The following PHC3 variants were observed in gnomAD, a reference collection of about 807,000 sequenced individuals.
PHC3 encodes the protein polyhomeotic homolog 3.
Under a neutral mutation model 107.4 loss-of-function variants are expected in PHC3, and 13 were observed. The observed-to-expected ratio is 0.12, with a 90% CI of 0.08 to 0.19. The LOEUF is 0.19. Among genes scored for constraint, PHC3 ranks in the 10% least tolerant of loss-of-function variants. PHC3 has a pLI of 1.00. For missense variants in PHC3, 992 were observed against 1,210.9 expected (o/e 0.82, Z 2.68); for synonymous variants, 456 against 427.4 (o/e 1.07, Z -0.83).
intron 5 of PHC3, chr3:170,147,376 G>A (rs79617389): frequency 6.6e-6 from 1 of 152,100 alleles, no homozygotes; most frequent in Admixed American, 6.6e-5. Context: ...CCAATTAAGT[G>A]ACCTTTTAAA....
At chr3:170,130,814 G>A (rs1722125148) in intron 7 of PHC3, among the ~76,000 whole-genome samples, 1 of 151,996 alleles carries the variant, frequency 6.6e-6, no homozygotes, top group African/African-American at 2.4e-5. Flanking sequence ...AAGTAAGAAT[G>A]GAAACTGAGT....
In PHC3 at chr3:170,129,149, A is replaced by G. The variant is rs373112767; in HGVS notation, c.1323T>C (p.Ala441=). ...GCTGCAAATTTGGCCCTGGCTGGAGAGCTGATGACACAAGAGGGTGTGGCT... is the reference window on the plus strand; with the variant it reads ...GCTGCAAATTTGGCCCTGGCTGGAGGGCTGATGACACAAGAGGGTGTGGCT... ...LIQPHPLVSS[A]LQPGPNLQQS... Residue 441 remains alanine (A), a synonymous_variant, in exon 8 of 15, where the codon GCT becomes GCC. Transcript: ENST00000495893. 249 of 1,613,780 alleles carry G rather than the reference A, an allele frequency of 1.5e-4. 1 individual carries two copies. The highest frequency in any genetic ancestry group is 3.3e-4 in the Middle Eastern group (2 of 6,062).
intron 6 of PHC3, among the ~76,000 whole-genome samples, chr3:170,144,968 A>T (rs1280330600): frequency 6.6e-6 from 1 of 152,204 alleles, no homozygotes; most frequent in Non-Finnish European, 1.5e-5. Flanking sequence ...GGGCCTCCAA[A>T]AAGTGCTGGG....
At chr3:170,128,530 G>C in intron 8 of PHC3, 154 bp downstream of exon 8, 1 of 970,656 alleles carries the variant, frequency 1.0e-6, no homozygotes, top group Admixed American at 3.3e-5. Context: ...TTTTTTTTTT[G>C]CCCATACAGC....
At position 170,148,278 on chromosome 3, in the gene PHC3, T is replaced by TAAC. The variant is rs750824968; in HGVS notation, c.573+805_573+807dup. ...AGTGAGACTTCACCTCAAAAAACAA[T>TAAC]AACAACAACAACAACAACAACAACA... On this transcript the variant is annotated intron_variant, in intron 5 of 14. Transcript: ENST00000495893. The TAAC allele has an allele frequency of 5.5e-3, 826 of 151,470 alleles. 4 individuals carry two copies. The highest frequency in any genetic ancestry group is 0.014 in the Middle Eastern group (4 of 296). The allele number at this position is 151,470 out of a possible 1,614,324, so 9.4% of individuals were successfully genotyped here.
Position 170,088,676 on chromosome 3 carries a change from A to C in PHC3, c.*8554T>G, listed in dbSNP as rs1171373666. ...ATGGAATACATATTTTAACAGCATA[A>C]CATATTTGAAGAATTAGTTACACTT... is the stretch of plus-strand genomic sequence containing the variant. On this transcript the variant is annotated 3_prime_UTR_variant, in exon 15 of 15. Coordinates refer to ENST00000495893, the MANE Select transcript of PHC3 (RefSeq NM_024947.4). 6.6e-6 allele frequency: 1 copy of C among 152,236 alleles called. No homozygotes were observed. Among genetic ancestry groups the C allele is most frequent in the African/African-American group, 2.4e-5 (1 of 41,462 alleles). The allele number at this position is 152,236 out of a possible 1,614,324, so 9.4% of individuals were successfully genotyped here.
At chr3:170,150,556 T>TAAAAAAAAAAA (rs1725757318) in intron 4 of PHC3, 18 of 110,742 alleles carry the variant, frequency 1.6e-4, no homozygotes, top group East Asian at 6.4e-4. Context: ...AAAAAAAAAT[T>TAAAAAAAAAAA]AAAAAAATTA....
intron 7 of PHC3, among the ~76,000 whole-genome samples, chr3:170,133,653 G>GA (rs1560072885): frequency 6.6e-6 from 1 of 152,094 alleles, no homozygotes; most frequent in Non-Finnish European, 1.5e-5. Context: ...AAGGAAAATT[G>GA]GAGTATATGT....
chr3:170,160,003 C>G (rs1376475744), intron 4 of PHC3, among the ~76,000 whole-genome samples: 2 of 152,138 alleles, frequency 1.3e-5, no homozygotes. Context: ...TTATAAGATA[C>G]TCCAGCAAAA....
Position 170,155,589 on chromosome 3 carries a change from G to T in PHC3, c.415-6345C>A, listed in dbSNP as rs192632409. On this transcript the variant is annotated intron_variant, in intron 4 of 14. Transcript: ENST00000495893. ...TACAAAAAATTAGCCAGGCATTGTG[G>T]TGCACACCTGTGGTCCCAGCTACTC... Among the ~76,000 whole-genome samples the T allele has an allele frequency of 3.3e-5, 5 of 152,168 alleles. No individual in the cohort carries two copies. The East Asian group carries it at 9.7e-4, about 29-fold the overall frequency.
At chr3:170,147,813 A>C (rs911882117) in intron 5 of PHC3, 5 of 152,312 alleles carry the variant, frequency 3.3e-5, no homozygotes, top group African/African-American at 1.2e-4. Context: ...ACACCCTGAA[A>C]GGACTAAACC....
chr3:170,155,721 C>CA (rs990319685), intron 4 of PHC3, among the ~76,000 whole-genome samples: 22 of 139,868 alleles, frequency 1.6e-4, no homozygotes, highest in Admixed American at 3.6e-4. Context: ...ACCCTGTCTC[C>CA]AAAAAAAAAA....
intron 7 of PHC3, 110 bp from the exon 8 acceptor site, chr3:170,129,662 C>A (rs1721924114): frequency 1.0e-5 from 11 of 1,079,806 alleles, no homozygotes; most frequent in African/African-American, 1.6e-5. Context: ...CATCAGAATT[C>A]TATTACAAGT....
chr3:170,166,019 T>C (rs1341011234), intron 4 of PHC3, among the ~76,000 whole-genome samples: 1 of 149,858 alleles, frequency 6.7e-6, no homozygotes, highest in East Asian at 1.9e-4. Flanking sequence ...AAACAGAATA[T>C]ATAAAGAACC....
intron 4 of PHC3, among the ~76,000 whole-genome samples, chr3:170,152,492 G>C (rs1206631357): frequency 2.0e-5 from 3 of 151,050 alleles, no homozygotes; most frequent in African/African-American, 7.3e-5. Context: ...AGCCTATTCT[G>C]TAATTTAGAT....
At chr3:170,173,222 T>C (rs1488773412) in intron 2 of PHC3, among the ~76,000 whole-genome samples, 4 of 147,824 alleles carry the variant, frequency 2.7e-5, no homozygotes, top group Admixed American at 1.3e-4. Context: ...CAAAACCCAG[T>C]GGACAATTCG....
chr3:170,167,168 A>T (rs1466290229), intron 4 of PHC3, among the ~76,000 whole-genome samples: 1 of 152,074 alleles, frequency 6.6e-6, no homozygotes, highest in Non-Finnish European at 1.5e-5. Context: ...CTATTTTTTT[A>T]GACAGGGTTT....
rs1025110729 is a variant in PHC3 at position 170,092,969 on chromosome 3, A to G, written c.*4261T>C. ...TTATTTTGAACTATGGATGAAAGCC[A>G]TATCTATCCTAAATATCTTCTATCC... is the stretch of plus-strand genomic sequence containing the variant. On this transcript the variant is annotated 3_prime_UTR_variant, in exon 15 of 15. Transcript: ENST00000495893. 2.0e-5 allele frequency: 3 copies of G among 152,222 alleles called. No individual in the cohort carries two copies. Among genetic ancestry groups the G allele is most frequent in the Non-Finnish European group, 4.4e-5 (3 of 68,040 alleles). The allele number at this position is 152,222 out of a possible 1,614,324, so 9.4% of individuals were successfully genotyped here.
intron 3 of PHC3, 86 bp downstream of exon 3, chr3:170,172,471 T>C: frequency 6.9e-7 from 1 of 1,442,612 alleles, no homozygotes; most frequent in Non-Finnish European, 9.4e-7. Context: ...CTGAGAACTC[T>C]GAAATAATAC....
Sources: gnomAD v4.1 joint callset for allele counts (sites outside exome capture counted in the v4.1 genomes callset) on GRCh38, gnomAD v4.1.1 for gene constraint, MANE v1.5 for transcripts, NCBI Gene and HGNC (gene_info 2026-07-23, HGNC 2026-07-21) for gene names.